Variants in FAM83B observed in about 807,000 individuals in gnomAD.
The protein encoded by FAM83B is protein FAM83B.
A neutral mutation model predicts 38.8 loss-of-function variants in FAM83B; 26 were observed. The observed-to-expected ratio is 0.67, with a 90% CI of 0.49 to 0.93. The LOEUF is 0.93. FAM83B is among the 40% of genes least tolerant of loss of function. The pLI, the probability that FAM83B is intolerant of heterozygous loss-of-function variation, is 0.00. For synonymous variants in FAM83B, 419 were observed against 423.1 expected, an observed-to-expected ratio of 0.99 and a Z score of 0.12; for missense variants, 1,237 against 1,197.3, an observed-to-expected ratio of 1.03 and a Z score of -0.49.
chr6:54,916,944 T>C (rs1773056947), intron 2 of FAM83B, among the ~76,000 whole-genome samples: 1 of 152,206 alleles, frequency 6.6e-6, no homozygotes, highest in East Asian at 1.9e-4. Context: ...CTTTCATTTG[T>C]TGACATTTAA....
chr6:54,876,557 G>A (rs1561911010), intron 2 of FAM83B, among the ~76,000 whole-genome samples: 1 of 151,604 alleles, frequency 6.6e-6, no homozygotes, highest in African/African-American at 2.4e-5. Flanking sequence ...GACCTCAGGT[G>A]ATCCACCCGC....
chr6:54,929,795 G>A (rs1773381774), intron 4 of FAM83B, among the ~76,000 whole-genome samples: 1 of 152,002 alleles, frequency 6.6e-6, no homozygotes, highest in Non-Finnish European at 1.5e-5. Context: ...ATATCTGACA[G>A]TGTGTGTTTA....
rs74296539 is a variant in FAM83B, at chr6:54,927,263, T to A, written c.610-245T>A. On this transcript the variant is annotated intron_variant, in intron 3 of 4. Transcript: ENST00000306858. ...TATAACCCAAAAGGGTTTTTTATAG[T>A]GAGAGGCTGAGTGATCTTTGATGCT... Among the ~76,000 whole-genome samples, 352 of 152,250 alleles carry A rather than the reference T, an allele frequency of 2.3e-3. 5 individuals carry two copies. Among genetic ancestry groups the A allele is most frequent in the Admixed American group, 0.016 (246 of 15,282 alleles).
chr6:54,847,239 G>A (rs1054168630), intron 1 of FAM83B, among the ~76,000 whole-genome samples: 1 of 144,030 alleles, frequency 6.9e-6, no homozygotes, highest in Non-Finnish European at 1.5e-5. Flanking sequence ...AGTCTCGTGG[G>A]AGGAAGTCCA....
At chr6:54,846,376 C>T (rs572966452), upstream of FAM83B, among the ~76,000 whole-genome samples, 2 of 152,160 alleles carry the variant, frequency 1.3e-5, no homozygotes, top group Admixed American at 6.5e-5. Context: ...ACCACGGCCC[C>T]GCTCGGCCTA....
At chr6:54,902,889 A>G (rs1403030390) in intron 2 of FAM83B, among the ~76,000 whole-genome samples, 1 of 152,220 alleles carries the variant, frequency 6.6e-6, no homozygotes, top group Admixed American at 6.5e-5. Flanking sequence ...TGATTTGTTC[A>G]GAGTAATTGA....
intron 2 of FAM83B, among the ~76,000 whole-genome samples, chr6:54,922,849 T>C (rs2127587575): frequency 6.6e-6 from 1 of 152,228 alleles, no homozygotes; most frequent in African/African-American, 2.4e-5. Context: ...TATATTGCCA[T>C]TTGCCTATTC....
intron 4 of FAM83B, 111 bp downstream of exon 4, chr6:54,927,743 A>C (rs1773334058): frequency 1.0e-6 from 1 of 1,002,516 alleles, no homozygotes; most frequent in African/African-American, 1.7e-5. Flanking sequence ...AAAAAAAAAA[A>C]AAAAAAAAAA....
Position 54,941,453 on chromosome 6 carries a change from C to A in FAM83B, c.2482C>A (p.Pro828Thr). ...ATCAGACACAAAAGTTGATTCATCTCCTAGAAGAAAGCATTCTTCCTCATC... is the reference window on the plus strand; with the variant it reads ...ATCAGACACAAAAGTTGATTCATCTACTAGAAGAAAGCATTCTTCCTCATC... ...KKSDTKVDSS[P>T]RRKHSSSSNS... The change falls in exon 5 of 5, where the codon CCT becomes ACT. Residue 828 changes from proline to threonine, a missense_variant. Transcript: ENST00000306858. 6.2e-7 allele frequency: 1 copy of A among 1,613,376 alleles called. No individual in the cohort carries two copies. The highest frequency in any genetic ancestry group is 8.5e-7 in the Non-Finnish European group (1 of 1,179,884).
In FAM83B at chr6:54,927,426, T is replaced by C; in HGVS notation, c.610-82T>C. ...TTAAGTAAATTTTTTTATATTAAGA[T>C]TCTATCATGATATGGATTTTGGTTT... On this transcript the variant is annotated intron_variant, in intron 3 of 4. Transcript: ENST00000306858. 3.4e-6 allele frequency: 4 copies of C among 1,165,994 alleles called. No individual in the cohort carries two copies. The South Asian group carries it at 9.4e-5, about 27-fold the overall frequency. The allele number at this position is 1,165,994 out of a possible 1,614,324, so 72.2% of individuals were successfully genotyped here. A position where few individuals can be genotyped will look rare whatever the true frequency, so the allele number is the denominator to read the frequency against.
Position 54,942,135 on chromosome 6 carries a change from T to TATATGTTCA in FAM83B, c.*128_*129insATATGTTCA. 1 of 927,276 alleles carries TATATGTTCA rather than the reference T, an allele frequency of 1.1e-6. No individual in the cohort carries two copies. The highest frequency in any genetic ancestry group is 1.6e-6 in the Non-Finnish European group (1 of 633,820). The allele number at this position is 927,276 out of a possible 1,614,324, so 57.4% of individuals were successfully genotyped here. ...GGTATGATGTATATGTTCACCAGTG[T>TATATGTTCA]CCTAGTATAAAGTTATTTTTCTGTG... On this transcript the variant is annotated 3_prime_UTR_variant, in exon 5 of 5. Transcript: ENST00000306858.
At position 54,941,410 on chromosome 6, in the gene FAM83B, A is replaced by C; in HGVS notation, c.2439A>C (p.Glu813Asp). The C allele has an allele frequency of 1.2e-6, 2 of 1,613,120 alleles. No individual in the cohort carries two copies. Among genetic ancestry groups the C allele is most frequent in the South Asian group, 1.1e-5 (1 of 90,788 alleles). ...SSDTLVSEGE[E>D]NQKPKKSDTK... ...ACACATTAGTTTCTGAGGGTGAAGA[A>C]AATCAAAAACCAAAGAAATCAGACA... The change falls in exon 5 of 5, where the codon GAA becomes GAC. Residue 813 changes from glutamate (E) to aspartate (D), a missense_variant. Coordinates refer to ENST00000306858, the MANE Select transcript of FAM83B (RefSeq NM_001010872.3).
chr6:54,866,442 A>G (rs1238038233), intron 1 of FAM83B, among the ~76,000 whole-genome samples: 1 of 152,134 alleles, frequency 6.6e-6, no homozygotes, highest in Admixed American at 6.6e-5. Flanking sequence ...TATAACTACA[A>G]AAATTCCTCT....
chr6:54,879,114 G>C (rs75894521), intron 2 of FAM83B, among the ~76,000 whole-genome samples: 1 of 152,108 alleles, frequency 6.6e-6, no homozygotes, highest in African/African-American at 2.4e-5. Context: ...TTTAAGTTAC[G>C]ACTTCACCAT....
chr6:54,890,462 C>T (rs1772374122), intron 2 of FAM83B, among the ~76,000 whole-genome samples: 1 of 151,984 alleles, frequency 6.6e-6, no homozygotes, highest in African/African-American at 2.4e-5. Context: ...TTATAGATTT[C>T]CCAAAGCTTA....
At chr6:54,896,265 A>G (rs1772531304) in intron 2 of FAM83B, among the ~76,000 whole-genome samples, 1 of 152,230 alleles carries the variant, frequency 6.6e-6, no homozygotes, top group Admixed American at 6.5e-5. Context: ...TGATTATACC[A>G]AAAGCATAAT....
intron 1 of FAM83B, among the ~76,000 whole-genome samples, chr6:54,867,786 T>G (rs965332513): frequency 6.6e-6 from 1 of 152,156 alleles, no homozygotes; most frequent in Non-Finnish European, 1.5e-5. Flanking sequence ...ATTTTAAAAG[T>G]ACTTTATGCA....
intron 2 of FAM83B, among the ~76,000 whole-genome samples, chr6:54,896,605 A>C (rs1250880639): frequency 6.6e-6 from 1 of 152,226 alleles, no homozygotes; most frequent in Non-Finnish European, 1.5e-5. Context: ...GAAGCGTACA[A>C]AAGAATACCA....
At chr6:54,899,948 A>G (rs976394854) in intron 2 of FAM83B, among the ~76,000 whole-genome samples, 1 of 152,216 alleles carries the variant, frequency 6.6e-6, no homozygotes, top group Non-Finnish European at 1.5e-5. Flanking sequence ...ATTATAATAA[A>G]ATGAAACAAC....
Sources: allele counts gnomAD v4.1 joint callset (sites outside exome capture counted in the v4.1 genomes callset), GRCh38; gene constraint gnomAD v4.1.1; transcripts MANE v1.5; gene names NCBI Gene and HGNC (gene_info 2026-07-23, HGNC 2026-07-21).